Variants in EYS observed in about 807,000 individuals in gnomAD.
The protein encoded by EYS is EGF-like photoreceptor maintenance factor, also known as protein eyes shut homolog.
Under a neutral mutation model 282.1 loss-of-function variants are expected in EYS, and 250 were observed. The observed-to-expected ratio is 0.89, with a 90% CI of 0.80 to 0.98. EYS has a LOEUF of 0.98. Among genes scored for constraint, EYS ranks in the 50% least tolerant of loss-of-function variants. The pLI is 0.00. For synonymous variants in EYS, 1,355 were observed against 1,282.9 expected, an observed-to-expected ratio of 1.06 and a Z score of -1.20; for missense variants, 4,016 against 3,709.0, an observed-to-expected ratio of 1.08 and a Z score of -2.15.
chr6:64,301,938 G>C (rs567268321), intron 30 of EYS, among the ~76,000 whole-genome samples: 1 of 151,966 alleles, frequency 6.6e-6, no homozygotes, highest in Non-Finnish European at 1.5e-5. Context: ...GACTTTTTCC[G>C]CTCAGCCCAT....
intron 26 of EYS, among the ~76,000 whole-genome samples, chr6:64,555,665 T>C (rs1375630243): frequency 6.6e-6 from 1 of 151,652 alleles, no homozygotes; most frequent in Non-Finnish European, 1.5e-5. Context: ...GAAATACAGA[T>C]GGCAAATATG....
chr6:64,414,649 G>C (rs1047667504), intron 28 of EYS, among the ~76,000 whole-genome samples: 1 of 152,166 alleles, frequency 6.6e-6, no homozygotes. Flanking sequence ...TTACTGGGCA[G>C]AGGGTGGTGA....
At chr6:64,909,217 T>C (rs866065102) in intron 16 of EYS, among the ~76,000 whole-genome samples, 74 of 152,332 alleles carry the variant, frequency 4.9e-4, no homozygotes, top group African/African-American at 1.4e-3. Context: ...AATCAGTTAA[T>C]ATTTTTAAAA....
At chr6:65,422,866 C>A (rs1446503243) in intron 5 of EYS, among the ~76,000 whole-genome samples, 2 of 151,262 alleles carry the variant, frequency 1.3e-5, no homozygotes, top group African/African-American at 4.9e-5. Flanking sequence ...ATGTGTACAT[C>A]CTACAAAGGA....
At chr6:65,528,043 G>C (rs527826378) in intron 2 of EYS, among the ~76,000 whole-genome samples, 2 of 152,116 alleles carry the variant, frequency 1.3e-5, no homozygotes, top group Non-Finnish European at 2.9e-5. Context: ...GTATCAGCTC[G>C]AGCACTATAC....
intron 19 of EYS, among the ~76,000 whole-genome samples, chr6:64,882,742 A>G (rs1425753264): frequency 6.6e-6 from 1 of 151,682 alleles, no homozygotes; most frequent in African/African-American, 2.4e-5. Context: ...TCAATTAATT[A>G]TCTTTATATT....
intron 41 of EYS, among the ~76,000 whole-genome samples, chr6:63,752,703 C>T (rs981573514): frequency 1.3e-5 from 2 of 151,656 alleles, no homozygotes; most frequent in Non-Finnish European, 2.9e-5. Flanking sequence ...CACCGTGTTA[C>T]CCAGGATGGT....
intron 12 of EYS, among the ~76,000 whole-genome samples, chr6:65,096,493 A>T (rs1487799766): frequency 6.6e-6 from 1 of 151,018 alleles, no homozygotes; most frequent in African/African-American, 2.4e-5. Flanking sequence ...AGAAAAAAAA[A>T]TTGTGAAATT....
chr6:64,828,595 T>A (rs142999977), intron 19 of EYS, among the ~76,000 whole-genome samples: 1 of 152,130 alleles, frequency 6.6e-6, no homozygotes, highest in African/African-American at 2.4e-5. Context: ...GCTTCTGGCA[T>A]GTCTGGGTAG....
chr6:64,395,170 T>G lies in EYS; in HGVS notation c.5928-6330A>C, dbSNP rs551950960. 4.6e-5 allele frequency among the ~76,000 whole-genome samples: 7 copies of G among 152,096 alleles called. No individual in the cohort carries two copies. The East Asian group carries it at 9.7e-4, about 21-fold the overall frequency. On this transcript the variant is annotated intron_variant, in intron 28 of 42. Transcript: ENST00000503581. ...AGGATGTAGAGAAATAGGAACACTT[T>G]TACACTGTTGGTGGGACTGTAAACT...
rs556854473 is a variant in EYS, at chr6:65,617,488, C to T, written c.-333+22290G>A. On this transcript the variant is annotated intron_variant, in intron 2 of 42. Coordinates refer to ENST00000503581, the MANE Select transcript of EYS (RefSeq NM_001142800.2). The stretch of plus-strand genomic sequence containing the variant: ...TATATTGATAAATGTTTAATGAGAC[C>T]TGAATTAAAATTATATAAAATTAGC... Among the ~76,000 whole-genome samples the T allele has an allele frequency of 1.8e-4, 27 of 151,770 alleles. 1 individual carries two copies. The East Asian group carries it at 4.8e-3, about 27-fold the overall frequency.
intron 15 of EYS, among the ~76,000 whole-genome samples, chr6:64,928,576 A>G (rs1356157428): frequency 6.6e-6 from 1 of 152,090 alleles, no homozygotes; most frequent in Non-Finnish European, 1.5e-5. Flanking sequence ...TCATGGTATT[A>G]TGTTTTTACA....
chr6:63,842,072 C>A (rs149978820), intron 36 of EYS, among the ~76,000 whole-genome samples: 2 of 152,088 alleles, frequency 1.3e-5, no homozygotes, highest in Admixed American at 6.6e-5. Context: ...AGTAAACATA[C>A]GTGTGCATGT....
At chr6:64,119,557 G>A (rs945738683) in intron 31 of EYS, among the ~76,000 whole-genome samples, 1 of 152,120 alleles carries the variant, frequency 6.6e-6, no homozygotes, top group Non-Finnish European at 1.5e-5. Flanking sequence ...TGTGAGTAAG[G>A]TTTTATCAAT....
At chr6:64,389,139 T>C (rs761682049) in intron 28 of EYS, among the ~76,000 whole-genome samples, 22 of 152,214 alleles carry the variant, frequency 1.4e-4, no homozygotes, top group Non-Finnish European at 2.4e-4. Flanking sequence ...TAATATTCCA[T>C]TTTAGCTTTT....
intron 2 of EYS, among the ~76,000 whole-genome samples, chr6:65,605,796 GAATA>G (rs1260295153): frequency 6.6e-6 from 1 of 151,546 alleles, no homozygotes; most frequent in Non-Finnish European, 1.5e-5. Context: ...AAATTATGTT[GAATA>G]AATATGTGTG....
At chr6:65,620,927 A>C (rs1766455190) in intron 2 of EYS, among the ~76,000 whole-genome samples, 1 of 152,164 alleles carries the variant, frequency 6.6e-6, no homozygotes, top group Non-Finnish European at 1.5e-5. Flanking sequence ...ACAGTTTGTT[A>C]TCATTTCTGT....
At chr6:63,793,917 G>A (rs557110303) in intron 37 of EYS, among the ~76,000 whole-genome samples, 1 of 152,166 alleles carries the variant, frequency 6.6e-6, no homozygotes, top group African/African-American at 2.4e-5. Flanking sequence ...AGTATGTGTG[G>A]GGTGATGCTG....
In EYS at chr6:64,518,752, C is replaced by G. The variant is rs142274344; in HGVS notation, c.5644+71471G>C. Among the ~76,000 whole-genome samples the G allele has an allele frequency of 5.0e-3, 754 of 150,232 alleles. 4 individuals carry two copies. The highest frequency in any genetic ancestry group is 7.8e-3 in the Non-Finnish European group (530 of 67,608). Reference sequence around the variant, plus strand: ...CATCCTGTTCTTGTGATAGTAAACTCTAATGAGCTCTGACGGGTTTATAAG... The same window carrying G: ...CATCCTGTTCTTGTGATAGTAAACTGTAATGAGCTCTGACGGGTTTATAAG... On this transcript the variant is annotated intron_variant, in intron 26 of 42. Transcript: ENST00000503581.
Sources: gnomAD v4.1 joint callset for allele counts (sites outside exome capture counted in the v4.1 genomes callset) on GRCh38, gnomAD v4.1.1 for gene constraint, MANE v1.5 for transcripts, NCBI Gene and HGNC (gene_info 2026-07-23, HGNC 2026-07-21) for gene names.